The following RPS6KL1 variants were observed in gnomAD, a reference collection of about 807,000 sequenced individuals.
The protein encoded by RPS6KL1 is ribosomal protein S6 kinase like 1.
In RPS6KL1, 41 loss-of-function variants were observed where a neutral mutation model predicts 57.0. The ratio of observed to expected loss-of-function variants is 0.72; its 90% CI spans 0.56 to 0.93. The LOEUF (loss-of-function observed/expected upper bound fraction) is 0.93, where lower values mean the gene tolerates loss of function less well. Among genes scored for constraint, RPS6KL1 ranks in the 40% least tolerant of loss-of-function variants. The pLI, the probability that RPS6KL1 is intolerant of heterozygous loss-of-function variation, is 0.00. For missense variants in RPS6KL1, 697 were observed against 727.7 expected, an observed-to-expected ratio of 0.96 and a Z score of 0.49; for synonymous variants, 287 against 309.7, an observed-to-expected ratio of 0.93 and a Z score of 0.77.
chr14:74,922,214 C>T lies in RPS6KL1; in HGVS notation c.-257G>A. Reference sequence around the variant, plus strand: ...CTTCACAGGGCCTCCGTAGAGCAAGCTTGGTATCCAGTACGCATTCAGCAC... The same window carrying T: ...CTTCACAGGGCCTCCGTAGAGCAAGTTTGGTATCCAGTACGCATTCAGCAC... On this transcript the variant is annotated 5_prime_UTR_variant, in exon 2 of 12. Transcript: ENST00000557413. 1 of 987,222 alleles carries T rather than the reference C, an allele frequency of 1.0e-6. No individual in the cohort carries two copies. The highest frequency in any genetic ancestry group is 1.2e-6 in the Non-Finnish European group (1 of 831,114). The allele number at this position is 987,222 out of a possible 1,614,324, so 61.2% of individuals were successfully genotyped here. A position where few individuals can be genotyped will look rare whatever the true frequency, so the allele number is the denominator to read the frequency against.
intron 9 of RPS6KL1, 32 bp downstream of exon 9, chr14:74,909,069 C>A (rs924521842): frequency 3.1e-6 from 5 of 1,607,772 alleles, no homozygotes; most frequent in African/African-American, 2.7e-5. Context: ...CACCCAGGTG[C>A]TAAGGCCCAC....
chr14:74,910,362 AGCC>A, intron 7 of RPS6KL1: 2 of 382,480 alleles, frequency 5.2e-6, no homozygotes, highest in South Asian at 1.2e-4. Context: ...AAGTGGGCCC[AGCC>A]TTACAAACTG....
intron 3 of RPS6KL1, 39 bp downstream of exon 3, chr14:74,921,238 T>TTGCCCCCCCCCCC: frequency 1.3e-5 from 11 of 840,162 alleles, no homozygotes; most frequent in East Asian, 5.3e-5. Context: ...CACTGGCCCT[T>TTGCCCCCCCCCCC]CCCCACCCAC....
chr14:74,922,106 T>C lies in RPS6KL1; in HGVS notation c.-149A>G. 1 of 848,104 alleles carries C rather than the reference T, an allele frequency of 1.2e-6. No homozygotes were observed. The highest frequency in any genetic ancestry group is 1.4e-6 in the Non-Finnish European group (1 of 700,016). 52.5% of individuals were successfully genotyped at this position (848,104 alleles called of 1,614,324 possible). On this transcript the variant is annotated 5_prime_UTR_variant, in exon 2 of 12. Transcript: ENST00000557413. Reference sequence around the variant, plus strand: ...GGCTCTGTTTTCCTTTCCAGTCAAATTCAGTTCAGCAAACATTTCTGGAGC... The same window carrying C: ...GGCTCTGTTTTCCTTTCCAGTCAAACTCAGTTCAGCAAACATTTCTGGAGC...
At chr14:74,911,185 T>G in intron 7 of RPS6KL1, 63 bp downstream of exon 7, 1 of 1,543,530 alleles carries the variant, frequency 6.5e-7, no homozygotes, top group Non-Finnish European at 8.9e-7. Flanking sequence ...GCTCCGCATT[T>G]TAAGGGTTGA....
At chr14:74,909,462 TC>T in intron 8 of RPS6KL1, 80 bp downstream of exon 8, 1 of 1,495,354 alleles carries the variant, frequency 6.7e-7, no homozygotes, top group East Asian at 2.3e-5. Context: ...ACCTTGGAGG[TC>T]CCCTCGACTT....
chr14:74,909,319 G>A (rs1885482713), intron 8 of RPS6KL1, 129 bp from the exon 9 acceptor site: 1 of 1,045,298 alleles, frequency 9.6e-7, no homozygotes. Context: ...AACTCGGCAG[G>A]GGCACAGCAC....
In RPS6KL1 at chr14:74,906,827, A is replaced by G. The variant is rs1884962860; in HGVS notation, c.*187T>C. On this transcript the variant is annotated 3_prime_UTR_variant, in exon 12 of 12. Coordinates refer to ENST00000557413, the MANE Select transcript of RPS6KL1 (RefSeq NM_031464.5). Reference sequence around the variant, plus strand: ...GACTGCCCCCACCTCCAGCTTTTCCAGGAGCTGGCCCTTCCTGGGTGGTGG... The same window carrying G: ...GACTGCCCCCACCTCCAGCTTTTCCGGGAGCTGGCCCTTCCTGGGTGGTGG... 1 of 732,150 alleles carries G rather than the reference A, an allele frequency of 1.4e-6. No individual in the cohort carries two copies. Among genetic ancestry groups the G allele is most frequent in the Admixed American group, 1.9e-5 (1 of 52,180 alleles). The allele number at this position is 732,150 out of a possible 1,614,324, so 45.4% of individuals were successfully genotyped here.
chr14:74,905,364 T>C lies in RPS6KL1; in HGVS notation c.*1650A>G, dbSNP rs185159855. On this transcript the variant is annotated 3_prime_UTR_variant, in exon 12 of 12. Coordinates refer to ENST00000557413, the MANE Select transcript of RPS6KL1 (RefSeq NM_031464.5). ...GCTTCAGTTTTCTCAGGAGCTACCG[T>C]CTGTTGCAAGGGGTCACTGTGAGGA... 1 of 138,490 alleles carries C rather than the reference T, an allele frequency of 7.2e-6. No homozygotes were observed. The highest frequency in any genetic ancestry group is 3.1e-5 in the African/African-American group (1 of 32,590). The allele number at this position is 138,490 out of a possible 1,614,324, so 8.6% of individuals were successfully genotyped here. A position where few individuals can be genotyped will look rare whatever the true frequency, so the allele number is the denominator to read the frequency against.
chr14:74,921,859 C>A, intron 2 of RPS6KL1, 119 bp downstream of exon 2: 1 of 536,900 alleles, frequency 1.9e-6, no homozygotes, highest in Non-Finnish European at 2.7e-6. Context: ...CTCACTGCAA[C>A]CTCCACTTCC....
chr14:74,915,536 C>T (rs558279645), intron 5 of RPS6KL1, among the ~76,000 whole-genome samples: 1 of 152,332 alleles, frequency 6.6e-6, no homozygotes, highest in South Asian at 2.1e-4. Context: ...GGAGGACTCT[C>T]CCATGGAACA....
In RPS6KL1 at chr14:74,905,104, T is replaced by G. The variant is rs1884556051; in HGVS notation, c.*1910A>C. 1 of 152,206 alleles carries G rather than the reference T, an allele frequency of 6.6e-6. No individual in the cohort carries two copies. Among genetic ancestry groups the G allele is most frequent in the African/African-American group, 2.4e-5 (1 of 41,442 alleles). The allele number at this position is 152,206 out of a possible 1,614,324, so 9.4% of individuals were successfully genotyped here. ...GTAAACCTGCAAAATAGGCATTATT[T>G]ACCCCATTTTATCGAAAGGAGGTCG... On this transcript the variant is annotated 3_prime_UTR_variant, in exon 12 of 12. Coordinates refer to ENST00000557413, the MANE Select transcript of RPS6KL1 (RefSeq NM_031464.5).
Position 74,909,156 on chromosome 14 carries a change from T to C in RPS6KL1, c.1305A>G (p.Ser435=). The change falls in exon 9 of 12, where the codon TCA becomes TCG. Residue 435 remains serine (S), a synonymous_variant. Coordinates refer to ENST00000557413, the MANE Select transcript of RPS6KL1 (RefSeq NM_031464.5). ...HIRLTYFGQW[S]EVEPQCCGEA... is the part of the protein sequence containing the mutation. The stretch of plus-strand genomic sequence containing the variant: ...CCCCGCAGCACTGGGGCTCCACCTC[T>C]GACCACTGGCCAAAATATGTGAGCC... 6.2e-7 allele frequency: 1 copy of C among 1,614,186 alleles called. No individual in the cohort carries two copies. The highest frequency in any genetic ancestry group is 1.6e-4 in the Middle Eastern group (1 of 6,062).
chr14:74,905,798 G>GGGTCT lies in RPS6KL1; in HGVS notation c.*1211_*1215dup, dbSNP rs1387859930. ...GTCAAGTCTCCCCACCATGAGTGAG[G>GGGTCT]GGTCTGGTCTGACAGTTGGGCCTTC... On this transcript the variant is annotated 3_prime_UTR_variant, in exon 12 of 12. Coordinates refer to ENST00000557413, the MANE Select transcript of RPS6KL1 (RefSeq NM_031464.5). 1.3e-5 allele frequency: 2 copies of GGGTCT among 152,400 alleles called. No homozygotes were observed. Among genetic ancestry groups the GGGTCT allele is most frequent in the African/African-American group, 4.8e-5 (2 of 41,436 alleles). 9.4% of individuals were successfully genotyped at this position (152,400 alleles called of 1,614,324 possible).
chr14:74,914,887 T>C (rs544707108), intron 5 of RPS6KL1, among the ~76,000 whole-genome samples: 1 of 152,332 alleles, frequency 6.6e-6, no homozygotes, highest in Admixed American at 6.5e-5. Context: ...TAATTTTGTA[T>C]TTTCAGTAGA....
chr14:74,905,179 T>C lies in RPS6KL1; in HGVS notation c.*1835A>G, dbSNP rs371653016. On this transcript the variant is annotated 3_prime_UTR_variant, in exon 12 of 12. Coordinates refer to ENST00000557413, the MANE Select transcript of RPS6KL1 (RefSeq NM_031464.5). Reference sequence around the variant, plus strand: ...ATTCTAAACTCAGGGCCCAACAAAGTGTCAGATGTGTAGCTTTGGGTGGAT... The same window carrying C: ...ATTCTAAACTCAGGGCCCAACAAAGCGTCAGATGTGTAGCTTTGGGTGGAT... 1 of 152,196 alleles carries C rather than the reference T, an allele frequency of 6.6e-6. No homozygotes were observed. The highest frequency in any genetic ancestry group is 2.4e-5 in the African/African-American group (1 of 41,508). 9.4% of individuals were successfully genotyped at this position (152,196 alleles called of 1,614,324 possible). A position where few individuals can be genotyped will look rare whatever the true frequency, so the allele number is the denominator to read the frequency against.
rs940028313 is a variant in RPS6KL1, at chr14:74,921,451, C to T, written c.91G>A (p.Glu31Lys). 1 of 1,614,032 alleles carries T rather than the reference C, an allele frequency of 6.2e-7. No homozygotes were observed. The highest frequency in any genetic ancestry group is 8.5e-7 in the Non-Finnish European group (1 of 1,180,022). ...RARSQAHVYL[E>K]QIRNRVALGV... The stretch of plus-strand genomic sequence containing the variant: ...AGAGCCACCCTGTTGCGAATCTGCT[C>T]CAGGTACACGTGAGCTTGGGACCGT... The change falls in exon 3 of 12, where the codon GAG (glutamate) becomes AAG (lysine). Residue 31 changes from glutamate (E) to lysine (K), a missense_variant. Transcript: ENST00000557413.
chr14:74,908,715 TCCC>T, intron 10 of RPS6KL1, 132 bp downstream of exon 10: 1 of 747,278 alleles, frequency 1.3e-6, no homozygotes, highest in Admixed American at 2.0e-5. Context: ...GCTAAGTGTG[TCCC>T]TGGCTTCGGG....
In RPS6KL1 at chr14:74,909,260, G is replaced by T. The variant is rs74064443; in HGVS notation, c.1271-70C>A. ...CTGATACAGGGGAGGGGGTTGCAGG[G>T]CTTCCCCCAACAGTCATGCGGTAGG... On this transcript the variant is annotated intron_variant, in intron 8 of 11. Transcript: ENST00000557413. 8 of 1,462,458 alleles carry T rather than the reference G, an allele frequency of 5.5e-6. No homozygotes were observed. The African/African-American group carries it at 6.9e-5, about 13-fold the overall frequency. 90.6% of individuals were successfully genotyped at this position (1,462,458 alleles called of 1,614,324 possible).
Sources: gnomAD v4.1 joint callset for allele counts (sites outside exome capture counted in the v4.1 genomes callset) on GRCh38, gnomAD v4.1.1 for gene constraint, MANE v1.5 for transcripts, NCBI Gene and HGNC (gene_info 2026-07-23, HGNC 2026-07-21) for gene names.